Variants in FAM135B observed in about 807,000 individuals in gnomAD.
FAM135B encodes protein FAM135B.
In FAM135B, 43 loss-of-function variants were observed where a neutral mutation model predicts 127.7. The observed-to-expected ratio is 0.34, with a 90% CI of 0.26 to 0.43. The LOEUF (loss-of-function observed/expected upper bound fraction) is 0.43. FAM135B is among the 20% of genes least tolerant of loss of function. FAM135B has a pLI of 1.00. For synonymous variants in FAM135B, 670 were observed against 665.1 expected (o/e 1.01, Z -0.11); for missense variants, 1,558 against 1,725.6 (o/e 0.90, Z 1.72).
chr8:138,284,881 T>G (rs1824548075), intron 3 of FAM135B, among the ~76,000 whole-genome samples: 1 of 152,054 alleles, frequency 6.6e-6, no homozygotes, highest in African/African-American at 2.4e-5. Flanking sequence ...AAGGGAGGTT[T>G]GTTTGGCTCA....
intron 2 of FAM135B, among the ~76,000 whole-genome samples, chr8:138,321,676 A>C (rs2130946710): frequency 6.6e-6 from 1 of 152,272 alleles, no homozygotes; most frequent in South Asian, 2.1e-4. Context: ...ATAAGGATTA[A>C]ATGATTTGTA....
intron 1 of FAM135B, among the ~76,000 whole-genome samples, chr8:138,471,490 T>C (rs922062628): frequency 1.3e-5 from 2 of 152,112 alleles, no homozygotes; most frequent in African/African-American, 2.4e-5. Context: ...CACAGGCATA[T>C]ATGGAAACGA....
intron 7 of FAM135B, among the ~76,000 whole-genome samples, chr8:138,203,388 TC>T (rs1444090814): frequency 6.6e-6 from 1 of 152,200 alleles, no homozygotes; most frequent in Non-Finnish European, 1.5e-5. Context: ...ATTCCAGACT[TC>T]GTTCTCACTT....
intron 1 of FAM135B, among the ~76,000 whole-genome samples, chr8:138,493,040 G>A (rs1815264009): frequency 6.6e-6 from 1 of 152,144 alleles, no homozygotes; most frequent in Admixed American, 6.5e-5. Context: ...ATCCACACCG[G>A]AGGTGGAGGG....
At chr8:138,169,911 G>A (rs146326933) in intron 11 of FAM135B, among the ~76,000 whole-genome samples, 4 of 152,336 alleles carry the variant, frequency 2.6e-5, no homozygotes, top group African/African-American at 9.6e-5. Flanking sequence ...TTTCGTGAAT[G>A]TGACCAAGTA....
At chr8:138,324,741 A>G (rs943955555) in intron 2 of FAM135B, among the ~76,000 whole-genome samples, 1 of 152,206 alleles carries the variant, frequency 6.6e-6, no homozygotes, top group African/African-American at 2.4e-5. Context: ...AGTTTCTGCA[A>G]CTTGTAAATT....
chr8:138,385,716 G>A (rs374151670), intron 1 of FAM135B, among the ~76,000 whole-genome samples: 9 of 152,098 alleles, frequency 5.9e-5, no homozygotes, highest in East Asian at 5.8e-4. Flanking sequence ...GGAGGCTGAG[G>A]CAGGAGAATT....
At chr8:138,468,604 A>G (rs1401498697) in intron 1 of FAM135B, among the ~76,000 whole-genome samples, 1 of 152,194 alleles carries the variant, frequency 6.6e-6, no homozygotes, top group African/African-American at 2.4e-5. Context: ...TGTATCTGTC[A>G]CAACTTGCTT....
chr8:138,294,965 A>G (rs1246229131), intron 3 of FAM135B, among the ~76,000 whole-genome samples: 2 of 152,162 alleles, frequency 1.3e-5, no homozygotes, highest in African/African-American at 4.8e-5. Context: ...CCTCTGGTTC[A>G]TAGTCAAATA....
intron 1 of FAM135B, among the ~76,000 whole-genome samples, chr8:138,492,926 C>T (rs1815258539): frequency 6.6e-6 from 1 of 152,270 alleles, no homozygotes; most frequent in South Asian, 2.1e-4. Context: ...AAGGCAAGGA[C>T]CTTGTGTTGT....
chr8:138,183,278 A>G (rs1219605263), intron 9 of FAM135B, among the ~76,000 whole-genome samples: 2 of 152,330 alleles, frequency 1.3e-5, no homozygotes, highest in South Asian at 4.1e-4. Context: ...TAATTTATGG[A>G]TGGAGTAACT....
chr8:138,426,026 T>TAC (rs1834854491), intron 1 of FAM135B, among the ~76,000 whole-genome samples: 4 of 41,230 alleles, frequency 9.7e-5, no homozygotes, highest in Non-Finnish European at 1.3e-4. Flanking sequence ...CACACATACA[T>TAC]ATACACACAC....
chr8:138,486,845 G>A (rs1377865595), intron 1 of FAM135B, among the ~76,000 whole-genome samples: 3 of 152,172 alleles, frequency 2.0e-5, no homozygotes, highest in African/African-American at 4.8e-5. Context: ...ACCTCTCCAC[G>A]AAGACCTAGT....
intron 5 of FAM135B, among the ~76,000 whole-genome samples, chr8:138,253,045 C>T (rs1821820568): frequency 6.6e-6 from 1 of 152,190 alleles, no homozygotes; most frequent in Non-Finnish European, 1.5e-5. Context: ...AAGTGATCCT[C>T]CTGCCTTGGC....
At chr8:138,370,579 T>C (rs1397006849) in intron 1 of FAM135B, among the ~76,000 whole-genome samples, 11 of 151,804 alleles carry the variant, frequency 7.2e-5, no homozygotes, top group Non-Finnish European at 1.6e-4. Context: ...GCCTCCCGAG[T>C]AGCTGGGACT....
intron 1 of FAM135B, among the ~76,000 whole-genome samples, chr8:138,426,998 A>G (rs1834923773): frequency 6.6e-6 from 1 of 152,058 alleles, no homozygotes. Flanking sequence ...CTATATGGCA[A>G]TTTGGATTAA....
At chr8:138,271,463 T>G (rs2130677696) in intron 3 of FAM135B, among the ~76,000 whole-genome samples, 1 of 152,338 alleles carries the variant, frequency 6.6e-6, no homozygotes, top group South Asian at 2.1e-4. Context: ...TATTTACTAA[T>G]CACCTGCTAT....
chr8:138,243,683 A>G lies in FAM135B; in HGVS notation c.543-615T>C, dbSNP rs937621931. ...GATTAATGGACATATTGTGATGGCA[A>G]TGATCAATTTCAGGATCAAAGGAGA... On this transcript the variant is annotated intron_variant, in intron 6 of 19. Transcript: ENST00000395297. The surrounding 1 kb of genome is among the most constrained non-coding windows in gnomAD (Gnocchi z 7.5). 6.6e-6 allele frequency among the ~76,000 whole-genome samples: 1 copy of G among 152,252 alleles called. No homozygotes were observed. Among genetic ancestry groups the G allele is most frequent in the Non-Finnish European group, 1.5e-5 (1 of 68,044 alleles).
At chr8:138,237,150 ATTTTTTTTTTTT>A (rs10604150) in intron 7 of FAM135B, among the ~76,000 whole-genome samples, 14 of 101,340 alleles carry the variant, frequency 1.4e-4, no homozygotes, top group Non-Finnish European at 1.7e-4. Context: ...TGGATCCTTG[ATTTTTTTTTTTT>A]TTTTTTTTTT....
Sources: gnomAD v4.1 joint callset for allele counts (sites outside exome capture counted in the v4.1 genomes callset) on GRCh38, gnomAD v4.1.1 for gene constraint, Gnocchi (gnomAD v3.1) non-coding constraint, MANE v1.5 for transcripts, NCBI Gene and HGNC (gene_info 2026-07-23, HGNC 2026-07-21) for gene names.